Variants in ADAM22 observed in about 807,000 individuals in gnomAD.
The protein encoded by ADAM22 is ADAM metallopeptidase domain 22, also known as disintegrin and metalloproteinase domain-containing protein 22.
In ADAM22, 65 loss-of-function variants were observed where a neutral mutation model predicts 144.6. That is an observed-to-expected ratio of 0.45 (90% CI 0.37 to 0.55). The LOEUF (loss-of-function observed/expected upper bound fraction) is 0.55, where lower values mean the gene tolerates loss of function less well. Among genes scored for constraint, ADAM22 ranks in the 20% least tolerant of loss-of-function variants. The probability of loss-of-function intolerance (pLI) is 0.00; values close to 1 mark genes in which losing one functional copy is unlikely to be tolerated. For synonymous variants in ADAM22, 391 were observed against 412.6 expected, an observed-to-expected ratio of 0.95 and a Z score of 0.63; for missense variants, 974 against 1,184.9, an observed-to-expected ratio of 0.82 and a Z score of 2.61.
At chr7:88,135,440 C>A (rs562769278) in intron 13 of ADAM22, among the ~76,000 whole-genome samples, 1 of 152,018 alleles carries the variant, frequency 6.6e-6, no homozygotes, top group South Asian at 2.1e-4. Flanking sequence ...GATGAAGTGA[C>A]TAGCTCTTAC....
chr7:88,196,503 T>C lies in ADAM22; in HGVS notation c.*12T>C. ...AGACATCCATTTAAGATCAACTGTTTACATGTGATACATCGAAAACTGTTT... is the reference window on the plus strand; with the variant it reads ...AGACATCCATTTAAGATCAACTGTTCACATGTGATACATCGAAAACTGTTT... On this transcript the variant is annotated 3_prime_UTR_variant, in exon 32 of 32. Coordinates refer to ENST00000413139, the MANE Select transcript of ADAM22 (RefSeq NM_001324418.2). The C allele has an allele frequency of 5.0e-6, 8 of 1,613,976 alleles. No homozygotes were observed. Among genetic ancestry groups the C allele is most frequent in the Non-Finnish European group, 6.8e-6 (8 of 1,179,940 alleles).
intron 3 of ADAM22, among the ~76,000 whole-genome samples, chr7:88,019,830 A>C (rs1325062819): frequency 6.6e-6 from 1 of 151,536 alleles, no homozygotes; most frequent in Non-Finnish European, 1.5e-5. Flanking sequence ...AGCCTGGGCG[A>C]CAGAGCGTGA....
intron 3 of ADAM22, among the ~76,000 whole-genome samples, chr7:88,052,262 C>A (rs988907951): frequency 1.3e-5 from 2 of 151,516 alleles, no homozygotes; most frequent in Non-Finnish European, 2.9e-5. Context: ...CTTTGGGAGA[C>A]CGAGTCGGGC....
At chr7:87,971,831 A>G (rs1367134574) in intron 2 of ADAM22, among the ~76,000 whole-genome samples, 4 of 152,212 alleles carry the variant, frequency 2.6e-5, no homozygotes, top group Non-Finnish European at 1.5e-5. Flanking sequence ...TTGAATAATA[A>G]GCCTGATAAT....
intron 4 of ADAM22, among the ~76,000 whole-genome samples, chr7:88,076,518 C>G (rs1392912006): frequency 6.6e-6 from 1 of 152,108 alleles, no homozygotes; most frequent in African/African-American, 2.4e-5. Context: ...CCCCTCCACC[C>G]TGCCCCACCC....
chr7:88,083,733 C>A (rs763328621), intron 4 of ADAM22, among the ~76,000 whole-genome samples: 1 of 151,716 alleles, frequency 6.6e-6, no homozygotes, highest in East Asian at 1.9e-4. Context: ...GACTTAAAAT[C>A]TGGTAATTCT....
rs184539625 is a variant in ADAM22, at chr7:87,964,546, C to T, written c.247-13790C>T. 6 of 354,572 alleles carry T rather than the reference C, an allele frequency of 1.7e-5. No individual in the cohort carries two copies. In the East Asian group the frequency reaches 2.3e-4, roughly 14 times the overall value. 22.0% of individuals were successfully genotyped at this position (354,572 alleles called of 1,614,324 possible). On this transcript the variant is annotated intron_variant, in intron 2 of 31. Transcript: ENST00000413139. Reference sequence around the variant, plus strand: ...CTAGAGTCTCTTTTATTACCTTTGTCTAACAGAATAATTTGATTATTTTTC... The same window carrying T: ...CTAGAGTCTCTTTTATTACCTTTGTTTAACAGAATAATTTGATTATTTTTC...
chr7:88,195,097 C>T (rs1850395972), intron 31 of ADAM22, among the ~76,000 whole-genome samples: 1 of 152,122 alleles, frequency 6.6e-6, no homozygotes, highest in African/African-American at 2.4e-5. Context: ...TTCCCAGAAA[C>T]TCATTATATA....
chr7:87,936,565 A>T (rs542631815), intron 2 of ADAM22, among the ~76,000 whole-genome samples: 2 of 152,150 alleles, frequency 1.3e-5, no homozygotes, highest in South Asian at 4.2e-4. Context: ...TTAGCAACTC[A>T]TGGCCAATCT....
chr7:88,105,140 A>G (rs1824011906), intron 4 of ADAM22, among the ~76,000 whole-genome samples: 1 of 152,168 alleles, frequency 6.6e-6, no homozygotes. Context: ...GTATGCTTTG[A>G]CATTGACATG....
chr7:87,953,127 T>G (rs934831347), intron 2 of ADAM22, among the ~76,000 whole-genome samples: 8 of 152,070 alleles, frequency 5.3e-5, no homozygotes, highest in Non-Finnish European at 7.4e-5. Context: ...GGTTTTTTTT[T>G]TGTCTCTATT....
At chr7:88,010,009 C>T (rs913862693) in intron 3 of ADAM22, among the ~76,000 whole-genome samples, 8 of 149,780 alleles carry the variant, frequency 5.3e-5, no homozygotes, top group African/African-American at 1.2e-4. Flanking sequence ...CATTCCAACC[C>T]GTTATGGTTG....
chr7:88,126,661 T>A (rs1271811031), intron 8 of ADAM22, among the ~76,000 whole-genome samples: 3 of 151,958 alleles, frequency 2.0e-5, no homozygotes, highest in Non-Finnish European at 1.5e-5. Context: ...GATTTATTTT[T>A]TGGCAGGGGG....
At chr7:88,107,597 T>C (rs934674218) in intron 4 of ADAM22, among the ~76,000 whole-genome samples, 7 of 152,140 alleles carry the variant, frequency 4.6e-5, no homozygotes, top group Admixed American at 2.6e-4. Context: ...TGTCATTTTT[T>C]CTTTTGAGAC....
chr7:88,112,963 C>T (rs1304456683), intron 5 of ADAM22, among the ~76,000 whole-genome samples: 2 of 152,044 alleles, frequency 1.3e-5, no homozygotes, highest in Non-Finnish European at 2.9e-5. Flanking sequence ...CATGTGATTT[C>T]CCCCCGCCTT....
At chr7:88,139,539 T>C (rs1215436488) in intron 14 of ADAM22, among the ~76,000 whole-genome samples, 1 of 152,088 alleles carries the variant, frequency 6.6e-6, no homozygotes, top group African/African-American at 2.4e-5. Flanking sequence ...GAAAAGGTGA[T>C]AAAAACATTG....
intron 22 of ADAM22, among the ~76,000 whole-genome samples, chr7:88,161,481 A>G (rs968022036): frequency 6.6e-6 from 1 of 152,176 alleles, no homozygotes; most frequent in Non-Finnish European, 1.5e-5. Flanking sequence ...ATCTAATTAA[A>G]CTAAAGTGCT....
intron 3 of ADAM22, among the ~76,000 whole-genome samples, chr7:88,069,868 C>G (rs1433110751): frequency 5.3e-5 from 8 of 152,300 alleles, no homozygotes; most frequent in Middle Eastern, 3.4e-3. Context: ...ATTTCTGATA[C>G]TGAATCAGGT....
intron 29 of ADAM22, chr7:88,184,318 G>T (rs2129538623): frequency 2.3e-6 from 1 of 431,706 alleles, no homozygotes. Flanking sequence ...CCTGAGCCTG[G>T]GCACTCCCTC....
Sources: allele counts gnomAD v4.1 joint callset (sites outside exome capture counted in the v4.1 genomes callset), GRCh38; gene constraint gnomAD v4.1.1; transcripts MANE v1.5; gene names NCBI Gene and HGNC (gene_info 2026-07-23, HGNC 2026-07-21).